FBXO36: variants seen among roughly 807,000 people sequenced by gnomAD.
FBXO36 encodes F-box only protein 36.
In FBXO36, 18 loss-of-function variants were observed where a neutral mutation model predicts 17.0. The observed-to-expected ratio is 1.06, with a 90% CI of 0.73 to 1.57. FBXO36 has a LOEUF of 1.57. Among genes scored for constraint, FBXO36 ranks in the 40% most tolerant of loss-of-function variants. The probability of loss-of-function intolerance (pLI) is 0.00; values close to 1 mark genes in which losing one functional copy is unlikely to be tolerated. For missense variants in FBXO36, 229 were observed against 221.9 expected (o/e 1.03, Z -0.20); for synonymous variants, 83 against 85.3 (o/e 0.97, Z 0.15).
intron 1 of FBXO36, among the ~76,000 whole-genome samples, chr2:229,970,794 A>G (rs2077176422): frequency 6.6e-6 from 1 of 152,206 alleles, no homozygotes; most frequent in Admixed American, 6.5e-5. Flanking sequence ...TAGATTTGTC[A>G]TATTAAAATT....
chr2:229,954,692 C>T (rs2077076817), intron 1 of FBXO36, among the ~76,000 whole-genome samples: 1 of 151,446 alleles, frequency 6.6e-6, no homozygotes, highest in South Asian at 2.1e-4. Context: ...GGACTACAGG[C>T]ACCCGCCATC....
chr2:229,939,794 A>G (rs1398374868), intron 1 of FBXO36, among the ~76,000 whole-genome samples: 3 of 152,176 alleles, frequency 2.0e-5, no homozygotes, highest in Non-Finnish European at 4.4e-5. Context: ...TATAGGAGCT[A>G]AGAACCGCCG....
chr2:230,007,745 T>C (rs966287517), intron 3 of FBXO36, among the ~76,000 whole-genome samples: 8 of 152,110 alleles, frequency 5.3e-5, no homozygotes, highest in Non-Finnish European at 1.2e-4. Context: ...TACAGGCGCA[T>C]GCCACCATAC....
chr2:230,004,564 A>T (rs2077376878), intron 3 of FBXO36, among the ~76,000 whole-genome samples: 1 of 152,164 alleles, frequency 6.6e-6, no homozygotes, highest in African/African-American at 2.4e-5. Flanking sequence ...TTCCGGAGAT[A>T]TTCTACACAT....
chr2:229,935,532 A>T (rs531827173), intron 1 of FBXO36, among the ~76,000 whole-genome samples: 62 of 152,106 alleles, frequency 4.1e-4, no homozygotes, highest in African/African-American at 1.4e-3. Flanking sequence ...AAATAAATAA[A>T]AATAATAATA....
chr2:229,991,703 T>G (rs1296023625), intron 2 of FBXO36, among the ~76,000 whole-genome samples: 3 of 152,210 alleles, frequency 2.0e-5, no homozygotes, highest in Non-Finnish European at 4.4e-5. Flanking sequence ...ATAATTCTTA[T>G]TGGGGTCTAC....
At chr2:230,001,317 T>C (rs2106214026) in intron 3 of FBXO36, among the ~76,000 whole-genome samples, 1 of 152,242 alleles carries the variant, frequency 6.6e-6, no homozygotes, top group Middle Eastern at 3.4e-3. Context: ...AGACAGAGTC[T>C]CGCTCTGTTG....
At chr2:229,995,593 TTTC>T (rs1453073954) in intron 2 of FBXO36, among the ~76,000 whole-genome samples, 14 of 80,708 alleles carry the variant, frequency 1.7e-4, no homozygotes, top group Admixed American at 9.2e-4. Flanking sequence ...TCTTTCTTTC[TTTC>T]TTTTTTTTTT....
intron 1 of FBXO36, among the ~76,000 whole-genome samples, chr2:229,960,890 C>T (rs1252000634): frequency 2.6e-5 from 4 of 152,120 alleles, no homozygotes; most frequent in African/African-American, 9.7e-5. Flanking sequence ...GGGCGGATCA[C>T]CTGAGGTCAG....
intron 1 of FBXO36, among the ~76,000 whole-genome samples, chr2:229,941,555 G>A (rs1037323136): frequency 3.3e-5 from 5 of 151,738 alleles, no homozygotes; most frequent in Non-Finnish European, 5.9e-5. Context: ...GAGGAAGCTC[G>A]AAGTGGCCAT....
intron 2 of FBXO36, among the ~76,000 whole-genome samples, chr2:229,982,594 G>A (rs56357294): frequency 6.6e-6 from 1 of 151,710 alleles, no homozygotes; most frequent in Non-Finnish European, 1.5e-5. Context: ...ATTACTTGAG[G>A]TTAGGAGTTT....
chr2:229,933,595 C>T (rs2076950022), intron 1 of FBXO36, among the ~76,000 whole-genome samples: 1 of 152,066 alleles, frequency 6.6e-6, no homozygotes, highest in Admixed American at 6.6e-5. Context: ...TGCAGGGGTG[C>T]GAGCCTATAG....
chr2:229,988,195 T>C (rs2077278798), intron 2 of FBXO36, among the ~76,000 whole-genome samples: 1 of 152,216 alleles, frequency 6.6e-6, no homozygotes, highest in African/African-American at 2.4e-5. Flanking sequence ...TCAGAGAATC[T>C]ACTCAAAATT....
At chr2:229,973,735 A>G (rs1469627211) in intron 1 of FBXO36, among the ~76,000 whole-genome samples, 1 of 133,390 alleles carries the variant, frequency 7.5e-6, no homozygotes, top group Non-Finnish European at 1.6e-5. Context: ...AAAAAAAAAA[A>G]GTTCTTTAAA....
chr2:229,979,879 G>GA (rs199911090), intron 2 of FBXO36, among the ~76,000 whole-genome samples: 6 of 145,990 alleles, frequency 4.1e-5, no homozygotes, highest in Admixed American at 6.9e-5. Context: ...GAGATTAGAA[G>GA]AAAAAAAAAA....
intron 1 of FBXO36, among the ~76,000 whole-genome samples, chr2:229,935,478 A>G (rs992114830): frequency 6.6e-6 from 1 of 152,112 alleles, no homozygotes; most frequent in Non-Finnish European, 1.5e-5. Context: ...GCACCATCAC[A>G]CTCCAGCCTG....
intron 3 of FBXO36, among the ~76,000 whole-genome samples, chr2:229,997,976 T>G (rs937859001): frequency 6.6e-6 from 1 of 152,176 alleles, no homozygotes; most frequent in African/African-American, 2.4e-5. Context: ...AAATCTCTTT[T>G]TGGCTTAAGT....
intron 1 of FBXO36, among the ~76,000 whole-genome samples, chr2:229,973,719 CA>C (rs61291521): frequency 0.96 from 125,185 of 130,344 alleles, 60,165 homozygotes; most frequent in East Asian, 0.99. Context: ...GACTCCATCT[CA>C]AAAAAAAAAA....
rs567219200 is a variant in FBXO36 at position 229,968,044 on chromosome 2, T to C, written c.97-8197T>C. Among the ~76,000 whole-genome samples the C allele has an allele frequency of 4.0e-3, 606 of 152,234 alleles. 7 individuals are homozygous for C. Among genetic ancestry groups the C allele is most frequent in the African/African-American group, 0.014 (582 of 41,558 alleles). Reference sequence around the variant, plus strand: ...GGTTGGTAAGCTATTAAGTATTGCCTCAATTTCAGAGCCTGTTATTGGTCT... The same window carrying C: ...GGTTGGTAAGCTATTAAGTATTGCCCCAATTTCAGAGCCTGTTATTGGTCT... On this transcript the variant is annotated intron_variant, in intron 1 of 3. Transcript: ENST00000283946.
Sources: gnomAD v4.1 joint callset for allele counts (sites outside exome capture counted in the v4.1 genomes callset) on GRCh38, gnomAD v4.1.1 for gene constraint, MANE v1.5 for transcripts, NCBI Gene and HGNC (gene_info 2026-07-23, HGNC 2026-07-21) for gene names.